Variants in SPG11 observed in about 807,000 individuals in gnomAD.
The protein encoded by SPG11 is SPG11 vesicle trafficking associated, spatacsin.
In SPG11, 222 loss-of-function variants were observed where a neutral mutation model predicts 274.0. The ratio of observed to expected loss-of-function variants is 0.81; its 90% CI spans 0.73 to 0.91. SPG11 has a LOEUF of 0.91. Among genes scored for constraint, SPG11 ranks in the 40% least tolerant of loss-of-function variants. The pLI is 0.00. For missense variants in SPG11, 3,114 were observed against 2,872.7 expected (o/e 1.08, Z -1.92); for synonymous variants, 1,144 against 1,039.7 (o/e 1.10, Z -1.93).
chr15:44,623,762 T>C (rs1045452354), intron 11 of SPG11, among the ~76,000 whole-genome samples: 1 of 152,128 alleles, frequency 6.6e-6, no homozygotes, highest in Non-Finnish European at 1.5e-5. Flanking sequence ...TTCTTTTCTT[T>C]TTCTTTTTTT....
chr15:44,637,734 T>C (rs1011145694), intron 7 of SPG11, among the ~76,000 whole-genome samples: 1 of 152,240 alleles, frequency 6.6e-6, no homozygotes, highest in African/African-American at 2.4e-5. Flanking sequence ...CATAAGATTA[T>C]CATAGAGCTG....
chr15:44,598,513 G>T, intron 22 of SPG11, 118 bp downstream of exon 22: 2 of 1,274,024 alleles, frequency 1.6e-6, no homozygotes, highest in Non-Finnish European at 2.3e-6. Flanking sequence ...CACACACTCT[G>T]CAGGAAAAGG....
At chr15:44,629,772 T>C (rs758238177) in intron 8 of SPG11, among the ~76,000 whole-genome samples, 2 of 152,200 alleles carry the variant, frequency 1.3e-5, no homozygotes, top group Admixed American at 6.5e-5. Flanking sequence ...CGAGCTAATT[T>C]AGAAAGTAAG....
At chr15:44,569,556 C>A in intron 34 of SPG11, 51 bp from the exon 35 acceptor site, 6 of 1,383,374 alleles carry the variant, frequency 4.3e-6, no homozygotes, top group South Asian at 2.5e-5. Context: ...GTCTGGAGTT[C>A]TCTGAGCCAG....
chr15:44,583,734 C>A, intron 30 of SPG11, 80 bp downstream of exon 30: 1 of 1,596,556 alleles, frequency 6.3e-7, no homozygotes, highest in Admixed American at 1.7e-5. Context: ...AACTATTCTG[C>A]CACAAGGGTC....
At chr15:44,635,638 C>T (rs1343378514) in intron 7 of SPG11, among the ~76,000 whole-genome samples, 1 of 149,528 alleles carries the variant, frequency 6.7e-6, no homozygotes, top group East Asian at 1.9e-4. Context: ...GGAAAAAAGC[C>T]GGGTATGGTG....
chr15:44,563,754 G>T lies in SPG11; in HGVS notation c.7152-453C>A, dbSNP rs149219889. 1.2e-3 allele frequency among the ~76,000 whole-genome samples: 185 copies of T among 152,226 alleles called. 5 individuals carry two copies. Among genetic ancestry groups the T allele is most frequent in the Admixed American group, 0.012 (180 of 15,286 alleles). On this transcript the variant is annotated intron_variant, in intron 39 of 39. Coordinates refer to ENST00000261866, the MANE Select transcript of SPG11 (RefSeq NM_025137.4). ...AGCTGCTTCTCTTGCAGCCTCCCGA[G>T]TAACTAGGACTACAAGTGTGCACCA...
At chr15:44,633,406 G>C in intron 8 of SPG11, 99 bp downstream of exon 8, 1 of 676,602 alleles carries the variant, frequency 1.5e-6, no homozygotes, top group Non-Finnish European at 2.2e-6. Flanking sequence ...CTAAGTTTTG[G>C]CAAGTAAATG....
intron 30 of SPG11, among the ~76,000 whole-genome samples, chr15:44,579,526 C>CAAAAAAAAAAAA (rs954664107): frequency 7.7e-5 from 4 of 51,866 alleles, no homozygotes; most frequent in Admixed American, 2.1e-4. Context: ...GACTCCGTCT[C>CAAAAAAAAAAAA]AAAAAAAAAA....
intron 27 of SPG11, among the ~76,000 whole-genome samples, chr15:44,589,713 T>G (rs2082855028): frequency 6.6e-6 from 1 of 152,212 alleles, no homozygotes; most frequent in Non-Finnish European, 1.5e-5. Flanking sequence ...AACTACAGAG[T>G]TAATGTAAAA....
chr15:44,643,253 T>C (rs2053735953), intron 7 of SPG11, among the ~76,000 whole-genome samples: 1 of 152,162 alleles, frequency 6.6e-6, no homozygotes, highest in South Asian at 2.1e-4. Flanking sequence ...TCCTGATCTA[T>C]AAAATGGGGC....
chr15:44,622,325 T>G lies in SPG11; in HGVS notation c.2339A>C (p.Asn780Thr). 6.4e-7 allele frequency: 1 copy of G among 1,560,002 alleles called. No homozygotes were observed. The highest frequency in any genetic ancestry group is 1.2e-5 in the South Asian group (1 of 85,726). The change falls in exon 13 of 40, where the codon AAT becomes ACT. Residue 780 changes from asparagine (N) to threonine (T), a missense_variant. Transcript: ENST00000261866. ...TCTTTTCTCTTTTTCAGAAAAATAA[T>G]TTTTTTCTTTTAAAATTTCAACCTT... ...DFLVEILKEK[N>T]YFSEKEKRTI...
At chr15:44,585,602 T>TAAAAAA (rs34800368) in intron 29 of SPG11, 34 bp downstream of exon 29, 189 of 1,194,536 alleles carry the variant, frequency 1.6e-4, no homozygotes, top group Non-Finnish European at 1.8e-4. Flanking sequence ...ACCCCGTATC[T>TAAAAAA]AAAAAAAAAA....
At chr15:44,593,112 A>T (rs1369301289) in intron 26 of SPG11, among the ~76,000 whole-genome samples, 1 of 152,194 alleles carries the variant, frequency 6.6e-6, no homozygotes, top group East Asian at 1.9e-4. Context: ...CTCAACAATC[A>T]ATTTTCTGTC....
At chr15:44,563,489 T>C (rs1555445777) in intron 39 of SPG11, among the ~76,000 whole-genome samples, 188 bp from the exon 40 acceptor site, 1 of 151,974 alleles carries the variant, frequency 6.6e-6, no homozygotes, top group Non-Finnish European at 1.5e-5. Flanking sequence ...CATGAGTGTG[T>C]CACCACCCTG....
Position 44,651,892 on chromosome 15 carries a change from G to C in SPG11, c.1055C>G (p.Ser352Cys), listed in dbSNP as rs2141107282. ...AGCACAACAGGAAACCTCCAGTTTG[G>C]AGTTCTTTATTGTTTCATTCAATGA... ...LSSLNETIKN[S>C]KLEVSCCAPW... The change falls in exon 6 of 40, where the codon TCC becomes TGC. Residue 352 changes from serine to cysteine, a missense_variant. Coordinates refer to ENST00000261866, the MANE Select transcript of SPG11 (RefSeq NM_025137.4). 1 of 1,612,936 alleles carries C rather than the reference G, an allele frequency of 6.2e-7. No homozygotes were observed. The highest frequency in any genetic ancestry group is 8.5e-7 in the Non-Finnish European group (1 of 1,179,620).
intron 34 of SPG11, among the ~76,000 whole-genome samples, 168 bp downstream of exon 34, chr15:44,570,357 A>AT (rs2082396393): frequency 6.6e-6 from 1 of 152,206 alleles, no homozygotes; most frequent in Non-Finnish European, 1.5e-5. Flanking sequence ...GACAGAAATG[A>AT]TAACTTGGAG....
At position 44,638,447 on chromosome 15, in the gene SPG11, C is replaced by A. The variant is rs2084343073; in HGVS notation, c.1603-4810G>T. Among the ~76,000 whole-genome samples, 3 of 150,090 alleles carry A rather than the reference C, an allele frequency of 2.0e-5. No homozygotes were observed. In the South Asian group the frequency reaches 6.4e-4, roughly 32 times the overall value. ...CTGCACTCCAGCCTGGGCGACAGAG[C>A]AAGACTCCATCTCAAAACAAACAAA... On this transcript the variant is annotated intron_variant, in intron 7 of 39. Transcript: ENST00000261866.
At chr15:44,630,871 C>G (rs892791414) in intron 8 of SPG11, among the ~76,000 whole-genome samples, 1 of 152,124 alleles carries the variant, frequency 6.6e-6, no homozygotes, top group Non-Finnish European at 1.5e-5. Flanking sequence ...AGACACTGCA[C>G]CCAGTCTGAG....
Sources: allele counts gnomAD v4.1 joint callset (sites outside exome capture counted in the v4.1 genomes callset), GRCh38; gene constraint gnomAD v4.1.1; transcripts MANE v1.5; gene names NCBI Gene and HGNC (gene_info 2026-07-23, HGNC 2026-07-21).